The following NAV2 variants were observed in gnomAD, a reference collection of about 807,000 sequenced individuals.
NAV2 encodes the protein helicase, APC down-regulated 1.
A neutral mutation model predicts 223.2 loss-of-function variants in NAV2; 54 were observed. The observed-to-expected ratio is 0.24, with a 90% CI of 0.19 to 0.30. The LOEUF is 0.30. NAV2 is among the 10% of genes least tolerant of loss of function. The probability of loss-of-function intolerance (pLI) is 1.00; values close to 1 mark genes in which losing one functional copy is unlikely to be tolerated. For synonymous variants in NAV2, 1,279 were observed against 1,239.3 expected (o/e 1.03, Z -0.67); for missense variants, 2,806 against 3,147.5 (o/e 0.89, Z 2.60).
At chr11:19,880,151 G>T (rs781543844) in intron 5 of NAV2, 24 bp downstream of exon 5, 6 of 1,539,588 alleles carry the variant, frequency 3.9e-6, no homozygotes, top group African/African-American at 1.4e-5. Context: ...GCCAACTGAT[G>T]GTTCTGTTTT....
chr11:19,943,723 G>A (rs2046596848), intron 8 of NAV2, among the ~76,000 whole-genome samples: 1 of 152,102 alleles, frequency 6.6e-6, no homozygotes, highest in Non-Finnish European at 1.5e-5. Flanking sequence ...GTTCTAGATG[G>A]AGATTTCTTT....
chr11:19,399,909 C>A (rs573797939), intron 1 of NAV2, among the ~76,000 whole-genome samples: 1 of 152,250 alleles, frequency 6.6e-6, no homozygotes, highest in East Asian at 1.9e-4. Context: ...AGCCTGGGGT[C>A]AGATGGGCTT....
At chr11:19,700,732 G>T (rs1220453669) in intron 1 of NAV2, among the ~76,000 whole-genome samples, 2 of 152,042 alleles carry the variant, frequency 1.3e-5, no homozygotes, top group East Asian at 3.9e-4. Context: ...CATCTAAAGG[G>T]GTCTAAGATG....
chr11:19,971,590 C>G (rs917511007), intron 10 of NAV2, among the ~76,000 whole-genome samples: 1 of 152,178 alleles, frequency 6.6e-6, no homozygotes, highest in Non-Finnish European at 1.5e-5. Flanking sequence ...GTACAACACA[C>G]TTTTGGATAG....
At chr11:19,856,604 C>T (rs1249994634) in intron 3 of NAV2, among the ~76,000 whole-genome samples, 3 of 152,044 alleles carry the variant, frequency 2.0e-5, no homozygotes, top group African/African-American at 7.2e-5. Context: ...TAGTATTGTG[C>T]CTGGCATATA....
intron 1 of NAV2, among the ~76,000 whole-genome samples, chr11:19,458,828 A>G (rs1852050391): frequency 6.6e-6 from 1 of 152,272 alleles, no homozygotes; most frequent in African/African-American, 2.4e-5. Context: ...TACCTCTCTG[A>G]GGCAGTCCTT....
At chr11:19,487,977 T>C (rs1193426643) in intron 1 of NAV2, among the ~76,000 whole-genome samples, 1 of 152,198 alleles carries the variant, frequency 6.6e-6, no homozygotes, top group Non-Finnish European at 1.5e-5. Flanking sequence ...AGATAGCTAA[T>C]GCATGCTTCT....
chr11:19,562,695 A>G (rs952772430), intron 1 of NAV2, among the ~76,000 whole-genome samples: 1 of 152,172 alleles, frequency 6.6e-6, no homozygotes, highest in Non-Finnish European at 1.5e-5. Flanking sequence ...TTGTGAAGAG[A>G]AAAATGAAGG....
chr11:19,927,273 A>T (rs1002444977), intron 6 of NAV2, among the ~76,000 whole-genome samples: 2 of 152,202 alleles, frequency 1.3e-5, no homozygotes, highest in Non-Finnish European at 2.9e-5. Context: ...GGCACAGCCC[A>T]CTAGTGGGGC....
At chr11:20,097,937 A>C (rs562116954) in intron 31 of NAV2, among the ~76,000 whole-genome samples, 192 bp downstream of exon 31, 121 of 152,288 alleles carry the variant, frequency 7.9e-4, no homozygotes, top group African/African-American at 2.8e-3. Flanking sequence ...AAACAAAATC[A>C]TTTTAGTTTA....
intron 1 of NAV2, among the ~76,000 whole-genome samples, chr11:19,661,750 T>A (rs1179482825): frequency 6.6e-6 from 1 of 152,252 alleles, no homozygotes; most frequent in African/African-American, 2.4e-5. Context: ...CAATACTCAG[T>A]GGATTTCATT....
chr11:19,815,175 C>T (rs747298660), intron 1 of NAV2, among the ~76,000 whole-genome samples: 3 of 151,964 alleles, frequency 2.0e-5, no homozygotes, highest in Non-Finnish European at 2.9e-5. Flanking sequence ...GTTTTGAGGT[C>T]ATTTTCCATG....
intron 2 of NAV2, among the ~76,000 whole-genome samples, chr11:19,833,022 C>A (rs901889189): frequency 1.1e-4 from 16 of 152,180 alleles, no homozygotes; most frequent in Admixed American, 6.5e-4. Flanking sequence ...CTACTTGGGT[C>A]TGACAAATCA....
chr11:19,688,752 AT>A (rs2049089670), intron 1 of NAV2, among the ~76,000 whole-genome samples: 1 of 152,178 alleles, frequency 6.6e-6, no homozygotes, highest in Non-Finnish European at 1.5e-5. Flanking sequence ...AGTATATTAT[AT>A]AATGTGGGGA....
At chr11:19,825,197 CAGG>C (rs2152868389) in intron 1 of NAV2, among the ~76,000 whole-genome samples, 1 of 134,346 alleles carries the variant, frequency 7.4e-6, no homozygotes, top group South Asian at 2.5e-4. Flanking sequence ...GAGGCTGTGG[CAGG>C]AGAATCACTT....
chr11:19,388,856 C>T (rs1343423295), intron 1 of NAV2, among the ~76,000 whole-genome samples: 1 of 152,138 alleles, frequency 6.6e-6, no homozygotes, highest in African/African-American at 2.4e-5. Flanking sequence ...GTGGTGTTCT[C>T]CCCATTTACA....
At chr11:19,723,688 G>A (rs906225407) in intron 1 of NAV2, among the ~76,000 whole-genome samples, 4 of 152,160 alleles carry the variant, frequency 2.6e-5, no homozygotes, top group Admixed American at 2.6e-4. Flanking sequence ...CTGCAATCTG[G>A]GCAGGATCTC....
intron 1 of NAV2, among the ~76,000 whole-genome samples, chr11:19,441,731 A>C (rs1851409925): frequency 6.6e-6 from 1 of 152,174 alleles, no homozygotes; most frequent in Non-Finnish European, 1.5e-5. Context: ...TGTTGGTTGC[A>C]GCAGACAATT....
rs549766730 is a variant in NAV2 at position 19,571,344 on chromosome 11, G to A, written c.75+220317G>A. On this transcript the variant is annotated intron_variant, in intron 1 of 37. Coordinates refer to the NAV2 transcript ENST00000360655. ...GGCTTCCTTTTGGGATGATGAAAAT[G>A]TCTTGGAACCACTTAGAAGTGAAGG... 7.2e-5 allele frequency among the ~76,000 whole-genome samples: 11 copies of A among 152,354 alleles called. No individual in the cohort carries two copies. In the East Asian group the frequency reaches 1.7e-3, roughly 24 times the overall value.
Sources: allele counts gnomAD v4.1 joint callset (sites outside exome capture counted in the v4.1 genomes callset), GRCh38; gene constraint gnomAD v4.1.1; transcripts MANE v1.5; gene names NCBI Gene and HGNC (gene_info 2026-07-23, HGNC 2026-07-21).